The following RAPH1 variants were observed in gnomAD, a reference collection of about 807,000 sequenced individuals.
The protein encoded by RAPH1 is ras-associated and pleckstrin homology domains-containing protein 1.
RAPH1 carries 18 observed loss-of-function variants against 88.1 expected under a neutral mutation model. That is an observed-to-expected ratio of 0.20 (90% CI 0.14 to 0.30). The LOEUF (loss-of-function observed/expected upper bound fraction) is 0.30, where lower values mean the gene tolerates loss of function less well. RAPH1 is among the 10% of genes least tolerant of loss of function. The pLI, the probability that RAPH1 is intolerant of heterozygous loss-of-function variation, is 1.00. For synonymous variants in RAPH1, 587 were observed against 559.0 expected, an observed-to-expected ratio of 1.05 and a Z score of -0.71; for missense variants, 1,448 against 1,543.2, an observed-to-expected ratio of 0.94 and a Z score of 1.03.
intron 4 of RAPH1, among the ~76,000 whole-genome samples, chr2:203,469,281 T>C (rs992812561): frequency 1.3e-5 from 2 of 152,218 alleles, no homozygotes; most frequent in African/African-American, 4.8e-5. Flanking sequence ...CTTAGACTTC[T>C]ACACTTCCCT....
Position 203,440,042 on chromosome 2 carries a change from C to T in RAPH1, c.3148G>A (p.Ala1050Thr), listed in dbSNP as rs2098501974. ...TTTCCACGCCCACTCAGAACAGGGG[C>T]TTTTGCTGACACACACCCTTGTTGG... ...VLQQGCVSAK[A>T]PVLSGRGKDS... The change falls in exon 14 of 14, where the codon GCC becomes ACC. Residue 1050 changes from alanine to threonine, a missense_variant. Transcript: ENST00000319170. The T allele has an allele frequency of 1.9e-6, 3 of 1,613,418 alleles. No individual in the cohort carries two copies. The highest frequency in any genetic ancestry group is 2.2e-5 in the South Asian group (2 of 91,056).
chr2:203,470,411 A>T, intron 4 of RAPH1: 1 of 655,112 alleles, frequency 1.5e-6, no homozygotes, highest in Non-Finnish European at 2.6e-6. Context: ...AGCAAGAATG[A>T]TTCTCTATAA....
At chr2:203,463,889 G>C (rs1156528172) in intron 4 of RAPH1, among the ~76,000 whole-genome samples, 1 of 152,092 alleles carries the variant, frequency 6.6e-6, no homozygotes, top group Non-Finnish European at 1.5e-5. Context: ...TCAGTTTTTA[G>C]AATTATGAGT....
In RAPH1 at chr2:203,434,175, C is replaced by T. The variant is rs2098496329; in HGVS notation, c.*5262G>A. The T allele has an allele frequency of 6.6e-6, 1 of 152,306 alleles. No individual in the cohort carries two copies. Among genetic ancestry groups the T allele is most frequent in the Non-Finnish European group, 1.5e-5 (1 of 67,994 alleles). The allele number at this position is 152,306 out of a possible 1,614,324, so 9.4% of individuals were successfully genotyped here. ...AACAAAGCTGCGAGAAAAATTGTAA[C>T]TTCATCTTCACTGAGCTGTGCATAA... On this transcript the variant is annotated 3_prime_UTR_variant, in exon 14 of 14. Coordinates refer to ENST00000319170, the MANE Select transcript of RAPH1 (RefSeq NM_213589.3).
intron 1 of RAPH1, among the ~76,000 whole-genome samples, chr2:203,527,110 G>A (rs1690157418): frequency 6.6e-6 from 1 of 152,122 alleles, no homozygotes; most frequent in Admixed American, 6.5e-5. Flanking sequence ...AGACTGTATA[G>A]TAGTTTCCAA....
intron 1 of RAPH1, among the ~76,000 whole-genome samples, chr2:203,506,896 ATATT>A (rs1689112285): frequency 4.0e-5 from 4 of 100,916 alleles, no homozygotes; most frequent in Admixed American, 1.0e-4. Context: ...ATATATATAT[ATATT>A]TTTTTTTTTT....
At chr2:203,506,779 TCTAG>T (rs1288646219) in intron 1 of RAPH1, among the ~76,000 whole-genome samples, 19 of 109,906 alleles carry the variant, frequency 1.7e-4, no homozygotes, top group African/African-American at 6.5e-4. Context: ...TCTATATATA[TCTAG>T]ATATATATAT....
At chr2:203,528,798 T>A (rs1191195544) in intron 1 of RAPH1, among the ~76,000 whole-genome samples, 2 of 151,800 alleles carry the variant, frequency 1.3e-5, no homozygotes, top group Non-Finnish European at 2.9e-5. Context: ...GGATCACTGA[T>A]TTCCTTTACC....
chr2:203,467,302 C>T (rs1356980765), intron 4 of RAPH1, among the ~76,000 whole-genome samples: 1 of 152,018 alleles, frequency 6.6e-6, no homozygotes, highest in Admixed American at 6.6e-5. Flanking sequence ...GCAAAATTCC[C>T]TATACAGGCT....
intron 1 of RAPH1, among the ~76,000 whole-genome samples, chr2:203,530,841 G>A (rs1261660214): frequency 6.6e-6 from 1 of 151,308 alleles, no homozygotes; most frequent in Admixed American, 6.6e-5. Context: ...GCAGTGAGCT[G>A]AGATTGTGCC....
chr2:203,441,435 A>AGT lies in RAPH1; in HGVS notation c.1777-24_1777-23dup, dbSNP rs2098504035. On this transcript the variant is annotated intron_variant, in intron 13 of 13. Transcript: ENST00000319170. ...TGGCCTAAAAGGAGTATAAAAAGGG[A>AGT]GTGGGAGAGAGAAAAACACAACAAA... 4 of 1,507,080 alleles carry AGT rather than the reference A, an allele frequency of 2.7e-6. No individual in the cohort carries two copies. The East Asian group carries it at 9.2e-5, about 35-fold the overall frequency. The allele number at this position is 1,507,080 out of a possible 1,614,324, so 93.4% of individuals were successfully genotyped here. A position where few individuals can be genotyped will look rare whatever the true frequency, so the allele number is the denominator to read the frequency against.
intron 1 of RAPH1, among the ~76,000 whole-genome samples, chr2:203,506,890 ATATATATATT>A (rs1559495127): frequency 2.9e-5 from 3 of 103,306 alleles, no homozygotes; most frequent in African/African-American, 1.1e-4. Flanking sequence ...AGATATATAT[ATATATATATT>A]TTTTTTTTTT....
intron 1 of RAPH1, among the ~76,000 whole-genome samples, chr2:203,496,899 G>T (rs1688542299): frequency 6.6e-6 from 1 of 152,082 alleles, no homozygotes; most frequent in Admixed American, 6.5e-5. Context: ...AATATAGCCT[G>T]TCAGCTGGTT....
intron 1 of RAPH1, among the ~76,000 whole-genome samples, chr2:203,516,917 C>T (rs1689637923): frequency 6.6e-6 from 1 of 151,678 alleles, no homozygotes; most frequent in Non-Finnish European, 1.5e-5. Flanking sequence ...GCCTGTAGTT[C>T]CAGCTACTCG....
At chr2:203,481,916 C>T (rs1474658596) in intron 4 of RAPH1, among the ~76,000 whole-genome samples, 1 of 151,046 alleles carries the variant, frequency 6.6e-6, no homozygotes, top group Admixed American at 6.6e-5. Context: ...GAATATATTT[C>T]TATTATTGTC....
At chr2:203,497,130 G>T (rs1184853753) in intron 1 of RAPH1, among the ~76,000 whole-genome samples, 1 of 152,170 alleles carries the variant, frequency 6.6e-6, no homozygotes, top group African/African-American at 2.4e-5. Flanking sequence ...TTATAAAAGA[G>T]ATTTCATGAA....
chr2:203,441,845 A>T, intron 13 of RAPH1: 1 of 1,335,220 alleles, frequency 7.5e-7, no homozygotes, highest in Non-Finnish European at 9.6e-7. Context: ...GACTGCATCC[A>T]CATCAAGCAG....
intron 4 of RAPH1, among the ~76,000 whole-genome samples, chr2:203,477,939 T>C (rs1210688503): frequency 2.0e-5 from 3 of 152,154 alleles, no homozygotes. Context: ...AGCCACTCAT[T>C]TTTCCCTTAA....
At chr2:203,474,733 T>C (rs751725031) in intron 4 of RAPH1, among the ~76,000 whole-genome samples, 1 of 152,222 alleles carries the variant, frequency 6.6e-6, no homozygotes, top group Non-Finnish European at 1.5e-5. Flanking sequence ...CAAAATAATA[T>C]TAAATTAGTG....
Sources: gnomAD v4.1 joint callset for allele counts (sites outside exome capture counted in the v4.1 genomes callset) on GRCh38, gnomAD v4.1.1 for gene constraint, MANE v1.5 for transcripts, NCBI Gene and HGNC (gene_info 2026-07-23, HGNC 2026-07-21) for gene names.